The following RMDN1 variants were observed in gnomAD, a reference collection of about 807,000 sequenced individuals.
RMDN1 encodes regulator of microtubule dynamics 1.
In RMDN1, 48 loss-of-function variants were observed where a neutral mutation model predicts 48.9. The observed-to-expected ratio is 0.98, with a 90% confidence interval of 0.78 to 1.25. RMDN1 has a LOEUF of 1.25. Ranked by LOEUF, RMDN1 falls within the 50% of genes most tolerant of loss-of-function variation. The probability of loss-of-function intolerance (pLI) is 0.00; values close to 1 mark genes in which losing one functional copy is unlikely to be tolerated. For missense variants in RMDN1, 418 were observed against 373.4 expected (o/e 1.12, Z -0.98); for synonymous variants, 148 against 132.6 (o/e 1.12, Z -0.80).
At chr8:86,494,667 G>A (rs1817034413) in intron 2 of RMDN1, among the ~76,000 whole-genome samples, 1 of 152,158 alleles carries the variant, frequency 6.6e-6, no homozygotes, top group African/African-American at 2.4e-5. Flanking sequence ...CCTCATAGAG[G>A]CCTAGGACCT....
intron 2 of RMDN1, among the ~76,000 whole-genome samples, chr8:86,501,572 C>A (rs1010954967): frequency 6.6e-5 from 10 of 151,820 alleles, no homozygotes; most frequent in African/African-American, 2.4e-4. Context: ...ACTTGTGAGG[C>A]TGAGGTGGGA....
chr8:86,492,612 C>T lies in RMDN1; in HGVS notation c.248-3973G>A, dbSNP rs138404060. Reference sequence around the variant, plus strand: ...AAGTTGCAGTGAAATGAGATCGCACCAATGCACTCTAGCCTGGGGTACAGA... The same window carrying T: ...AAGTTGCAGTGAAATGAGATCGCACTAATGCACTCTAGCCTGGGGTACAGA... On this transcript the variant is annotated intron_variant, in intron 2 of 9. Transcript: ENST00000406452. 2.4e-3 allele frequency among the ~76,000 whole-genome samples: 357 copies of T among 151,494 alleles called. 1 individual carries two copies. Among genetic ancestry groups the T allele is most frequent in the African/African-American group, 8.3e-3 (343 of 41,188 alleles).
chr8:86,488,270 AT>A (rs1437971682), intron 3 of RMDN1, among the ~76,000 whole-genome samples: 1 of 152,212 alleles, frequency 6.6e-6, no homozygotes, highest in African/African-American at 2.4e-5. Context: ...GGATAAACAT[AT>A]ATTCAATAAC....
intron 2 of RMDN1, among the ~76,000 whole-genome samples, chr8:86,496,576 A>C (rs1385136008): frequency 6.6e-6 from 1 of 152,134 alleles, no homozygotes; most frequent in African/African-American, 2.4e-5. Flanking sequence ...AAAGAGTTCA[A>C]TTAAACATGA....
At chr8:86,483,195 A>T (rs1401920339) in intron 5 of RMDN1, among the ~76,000 whole-genome samples, 1 of 152,210 alleles carries the variant, frequency 6.6e-6, no homozygotes, top group Admixed American at 6.5e-5. Flanking sequence ...TTTATATGTA[A>T]ATACTAAATA....
At position 86,472,619 on chromosome 8, in the gene RMDN1, G is replaced by T; in HGVS notation, c.*1689C>A. On this transcript the variant is annotated 3_prime_UTR_variant, in exon 10 of 10. Transcript: ENST00000406452. Reference sequence around the variant, plus strand: ...GATGCTACTGTTGCCTAGCTACCCTGACCACATTATTTTTTCACTGTATCA... The same window carrying T: ...GATGCTACTGTTGCCTAGCTACCCTTACCACATTATTTTTTCACTGTATCA... The T allele has an allele frequency of 1.7e-6, 1 of 604,390 alleles. No homozygotes were observed. The highest frequency in any genetic ancestry group is 2.1e-5 in the South Asian group (1 of 48,550). The allele number at this position is 604,390 out of a possible 1,614,324, so 37.4% of individuals were successfully genotyped here.
In RMDN1 at chr8:86,508,577, C is replaced by T. The variant is rs1211150042; in HGVS notation, c.44G>A (p.Arg15His). 1.2e-6 allele frequency: 2 copies of T among 1,603,206 alleles called. No individual in the cohort carries two copies. Among genetic ancestry groups the T allele is most frequent in the Non-Finnish European group, 1.7e-6 (2 of 1,176,444 alleles). ...ARLWRLLPFRRGAAPGSRLPA... is the reference protein window; with the variant it reads ...ARLWRLLPFRHGAAPGSRLPA... Reference sequence around the variant, plus strand: ...GAGACGAGACCCCGGGGCGGCTCCACGTCGGAAAGGCAGAAGGCGCCACAG... The same window carrying T: ...GAGACGAGACCCCGGGGCGGCTCCATGTCGGAAAGGCAGAAGGCGCCACAG... Residue 15 changes from arginine to histidine, a missense_variant, in exon 1 of 10, where the codon CGT becomes CAT. Physicochemically the swap from Arg to His is conservative, Grantham distance 29. Transcript: ENST00000406452.
intron 4 of RMDN1, among the ~76,000 whole-genome samples, chr8:86,485,993 T>C (rs573664363): frequency 1.3e-5 from 2 of 152,278 alleles, no homozygotes; most frequent in Admixed American, 6.5e-5. Flanking sequence ...CCCGTACGAT[T>C]TACTGAAAAA....
At chr8:86,478,704 G>C (rs1238824293) in intron 7 of RMDN1, 6 of 517,126 alleles carry the variant, frequency 1.2e-5, no homozygotes, top group Non-Finnish European at 2.1e-5. Flanking sequence ...TTAGATGACA[G>C]TATTCCAGAA....
intron 9 of RMDN1, 140 bp from the exon 10 acceptor site, chr8:86,474,498 A>G: frequency 1.4e-6 from 1 of 719,244 alleles, no homozygotes; most frequent in Non-Finnish European, 2.4e-6. Context: ...CTTGACAGTG[A>G]CCAGATGAGA....
intron 2 of RMDN1, among the ~76,000 whole-genome samples, chr8:86,495,626 C>T (rs184629041): frequency 2.0e-4 from 30 of 152,166 alleles, no homozygotes; most frequent in African/African-American, 2.2e-4. Flanking sequence ...CCTGCCTGGC[C>T]GCACCCGTAG....
chr8:86,503,385 A>AAAAAAAAAAAAAAAAAAAAAAAAAAAAC (rs1554594088), intron 2 of RMDN1, among the ~76,000 whole-genome samples: 1 of 81,092 alleles, frequency 1.2e-5, no homozygotes, highest in Admixed American at 1.3e-4. Flanking sequence ...AAAAAAAAAA[A>AAAAAAAAAAAAAAAAAAAAAAAAAAAAC]AAAACAAAAA....
At chr8:86,471,918 A>C (rs1279966591), downstream of RMDN1, among the ~76,000 whole-genome samples, 2 of 152,204 alleles carry the variant, frequency 1.3e-5, no homozygotes, top group Non-Finnish European at 2.9e-5. Flanking sequence ...TGTGGATGGA[A>C]AGATTAGCAA....
chr8:86,498,205 G>A (rs996694975), intron 2 of RMDN1, among the ~76,000 whole-genome samples: 8 of 151,218 alleles, frequency 5.3e-5, no homozygotes, highest in Admixed American at 1.3e-4. Context: ...GAACCAGGAA[G>A]AAATGAAATC....
rs1277538182 is a variant in RMDN1, at chr8:86,472,872, G to T, written c.*1436C>A. On this transcript the variant is annotated 3_prime_UTR_variant, in exon 10 of 10. Transcript: ENST00000406452. ...CTGATGGTTCAAGGTATGCAAACTT[G>T]GTCTCAATGCACAAAATTATTAAAA... is the stretch of plus-strand genomic sequence containing the variant. The T allele has an allele frequency of 2.2e-5, 4 of 178,928 alleles. No individual in the cohort carries two copies. Among genetic ancestry groups the T allele is most frequent in the African/African-American group, 7.1e-5 (3 of 42,272 alleles). 11.1% of individuals were successfully genotyped at this position (178,928 alleles called of 1,614,324 possible).
intron 8 of RMDN1, among the ~76,000 whole-genome samples, chr8:86,476,398 T>G (rs1455602434): frequency 6.6e-6 from 1 of 152,198 alleles, no homozygotes; most frequent in African/African-American, 2.4e-5. Context: ...ACAAGTCCAT[T>G]ATGTGTGGGA....
chr8:86,501,150 C>A (rs1045352886), intron 2 of RMDN1, among the ~76,000 whole-genome samples: 6 of 152,042 alleles, frequency 3.9e-5, no homozygotes, highest in Admixed American at 3.3e-4. Flanking sequence ...TCCAGCAACA[C>A]ATAATTTACC....
chr8:86,498,512 C>T (rs1038489326), intron 2 of RMDN1, among the ~76,000 whole-genome samples: 5 of 152,150 alleles, frequency 3.3e-5, no homozygotes, highest in African/African-American at 7.2e-5. Flanking sequence ...GGCATGGTGG[C>T]TCATGTCTGT....
At chr8:86,493,299 G>C (rs112391684) in intron 2 of RMDN1, among the ~76,000 whole-genome samples, 152 of 152,246 alleles carry the variant, frequency 1.0e-3, no homozygotes, top group Non-Finnish European at 1.9e-3. Flanking sequence ...ACTACTATAT[G>C]ATCCAGCAAT....
Sources: allele counts gnomAD v4.1 joint callset (sites outside exome capture counted in the v4.1 genomes callset), GRCh38; gene constraint gnomAD v4.1.1; transcripts MANE v1.5; gene names NCBI Gene and HGNC (gene_info 2026-07-23, HGNC 2026-07-21).